ST8SIA1: variants seen among roughly 807,000 people sequenced by gnomAD.
The protein encoded by ST8SIA1 is alpha-N-acetylneuraminide alpha-2,8-sialyltransferase.
In ST8SIA1, 16 loss-of-function variants were observed where a neutral mutation model predicts 35.9. The observed-to-expected ratio is 0.45, with a 90% CI of 0.30 to 0.68. The LOEUF (loss-of-function observed/expected upper bound fraction) is 0.68, where lower values mean the gene tolerates loss of function less well. Among genes scored for constraint, ST8SIA1 ranks in the 30% least tolerant of loss-of-function variants. The pLI is 0.09. For missense variants in ST8SIA1, 383 were observed against 453.6 expected (o/e 0.84, Z 1.41); for synonymous variants, 170 against 169.6 (o/e 1.00, Z -0.02).
intron 4 of ST8SIA1, among the ~76,000 whole-genome samples, chr12:22,233,306 G>A (rs1202026459): frequency 6.6e-6 from 1 of 151,814 alleles, no homozygotes; most frequent in East Asian, 1.9e-4. Flanking sequence ...GATTTCCAAA[G>A]TAGAAATAAA....
chr12:22,209,468 C>A (rs1256005414), intron 4 of ST8SIA1, among the ~76,000 whole-genome samples: 1 of 152,156 alleles, frequency 6.6e-6, no homozygotes, highest in Non-Finnish European at 1.5e-5. Flanking sequence ...ACACATCTGA[C>A]TGGTGCAAAT....
chr12:22,207,331 G>A (rs1205836734), intron 4 of ST8SIA1, among the ~76,000 whole-genome samples: 1 of 152,210 alleles, frequency 6.6e-6, no homozygotes, highest in Non-Finnish European at 1.5e-5. Flanking sequence ...GGACTGAGAG[G>A]TCAAGAAAGT....
intron 2 of ST8SIA1, among the ~76,000 whole-genome samples, chr12:22,264,657 CTTAA>C (rs931865899): frequency 1.3e-5 from 2 of 150,548 alleles, no homozygotes; most frequent in African/African-American, 5.0e-5. Flanking sequence ...ATTATAGGTA[CTTAA>C]TTATTAAACC....
chr12:22,244,004 C>T (rs1275036858), intron 4 of ST8SIA1, among the ~76,000 whole-genome samples: 1 of 150,036 alleles, frequency 6.7e-6, no homozygotes, highest in Non-Finnish European at 1.5e-5. Flanking sequence ...TACTCCAGTC[C>T]GGGCAACAAG....
chr12:22,272,938 A>G (rs1310471739), intron 2 of ST8SIA1, among the ~76,000 whole-genome samples: 1 of 152,224 alleles, frequency 6.6e-6, no homozygotes. Flanking sequence ...GTGTCCTTTA[A>G]GATTGATTTC....
At chr12:22,258,197 T>C (rs993508478) in intron 2 of ST8SIA1, among the ~76,000 whole-genome samples, 2 of 152,100 alleles carry the variant, frequency 1.3e-5, no homozygotes, top group African/African-American at 2.4e-5. Context: ...ACTGTAGAGA[T>C]AGACTTGCCA....
chr12:22,275,506 G>A (rs753948578), intron 2 of ST8SIA1, among the ~76,000 whole-genome samples: 4 of 151,982 alleles, frequency 2.6e-5, no homozygotes, highest in Admixed American at 1.3e-4. Flanking sequence ...GTGAGCAGAG[G>A]TCACACCACT....
At chr12:22,274,985 G>T (rs956869162) in intron 2 of ST8SIA1, among the ~76,000 whole-genome samples, 3 of 152,100 alleles carry the variant, frequency 2.0e-5, no homozygotes, top group Non-Finnish European at 4.4e-5. Context: ...TACAATAATT[G>T]TTATTCAGTT....
intron 1 of ST8SIA1, among the ~76,000 whole-genome samples, chr12:22,305,644 G>T (rs188533229): frequency 6.6e-6 from 1 of 152,194 alleles, no homozygotes; most frequent in Non-Finnish European, 1.5e-5. Context: ...GCCTCCCAAA[G>T]TGCTGGGATT....
chr12:22,264,917 T>C (rs532583726), intron 2 of ST8SIA1, among the ~76,000 whole-genome samples: 2 of 152,370 alleles, frequency 1.3e-5, no homozygotes, highest in Non-Finnish European at 2.9e-5. Flanking sequence ...ATGATGTGAA[T>C]ATTTATATAG....
intron 1 of ST8SIA1, among the ~76,000 whole-genome samples, chr12:22,316,472 A>G (rs540650727): frequency 1.3e-5 from 2 of 152,280 alleles, no homozygotes; most frequent in South Asian, 4.1e-4. Flanking sequence ...CTACCTCACT[A>G]TACTAAAACA....
At chr12:22,304,109 C>T (rs1231628106) in intron 1 of ST8SIA1, among the ~76,000 whole-genome samples, 2 of 152,052 alleles carry the variant, frequency 1.3e-5, no homozygotes, top group African/African-American at 4.8e-5. Flanking sequence ...TAAATCAAGC[C>T]CTTTCTGGTT....
rs1265220921 is a variant in ST8SIA1 at position 22,334,459 on chromosome 12, G to A, written c.-227C>T. The A allele has an allele frequency of 3.4e-6, 2 of 585,800 alleles. No individual in the cohort carries two copies. The highest frequency in any genetic ancestry group is 3.0e-6 in the Non-Finnish European group (1 of 328,472). The allele number at this position is 585,800 out of a possible 1,614,324, so 36.3% of individuals were successfully genotyped here. Reference sequence around the variant, plus strand: ...TTCTTTCTAGGGGAAGTGGCTGGGGGTGAAGTCACGATCTATGGCCATGGT... The same window carrying A: ...TTCTTTCTAGGGGAAGTGGCTGGGGATGAAGTCACGATCTATGGCCATGGT... On this transcript the variant is annotated 5_prime_UTR_variant, in exon 1 of 5. Transcript: ENST00000396037.
At chr12:22,229,460 C>A (rs1193831308) in intron 4 of ST8SIA1, among the ~76,000 whole-genome samples, 1 of 151,248 alleles carries the variant, frequency 6.6e-6, no homozygotes, top group Non-Finnish European at 1.5e-5. Flanking sequence ...CTACAAAAAT[C>A]AAAAAATTCA....
intron 4 of ST8SIA1, among the ~76,000 whole-genome samples, chr12:22,237,335 A>T (rs1444612536): frequency 1.3e-5 from 2 of 152,216 alleles, no homozygotes; most frequent in African/African-American, 4.8e-5. Flanking sequence ...GGCCTCAAGC[A>T]GTCCTCCCAC....
chr12:22,255,896 T>C (rs1591836291), intron 2 of ST8SIA1, among the ~76,000 whole-genome samples: 1 of 152,084 alleles, frequency 6.6e-6, no homozygotes, highest in South Asian at 2.1e-4. Context: ...CAATTTGGGA[T>C]GTGAGGAGAG....
intron 4 of ST8SIA1, among the ~76,000 whole-genome samples, chr12:22,243,662 T>G (rs573777645): frequency 1.6e-4 from 25 of 152,244 alleles, no homozygotes; most frequent in Non-Finnish European, 3.2e-4. Flanking sequence ...GCTTAAAACA[T>G]TGTATTCCAA....
At chr12:22,211,486 T>A (rs1187504301) in intron 4 of ST8SIA1, among the ~76,000 whole-genome samples, 1 of 152,184 alleles carries the variant, frequency 6.6e-6, no homozygotes, top group Non-Finnish European at 1.5e-5. Context: ...ACAAAATACA[T>A]CACCTTGTGG....
chr12:22,210,065 T>C (rs1447447805), intron 4 of ST8SIA1, among the ~76,000 whole-genome samples: 1 of 152,216 alleles, frequency 6.6e-6, no homozygotes, highest in Non-Finnish European at 1.5e-5. Context: ...ATAAATTATG[T>C]TATATCCATA....
Sources: allele counts gnomAD v4.1 joint callset (sites outside exome capture counted in the v4.1 genomes callset), GRCh38; gene constraint gnomAD v4.1.1; transcripts MANE v1.5; gene names NCBI Gene and HGNC (gene_info 2026-07-23, HGNC 2026-07-21).